Variants in PATL2 observed in about 807,000 individuals in gnomAD.
The protein encoded by PATL2 is protein PAT1 homolog 2.
A neutral mutation model predicts 77.0 loss-of-function variants in PATL2; 73 were observed. The observed-to-expected ratio is 0.95, with a 90% CI of 0.78 to 1.15. The LOEUF is 1.15. PATL2 is among the 50% of genes most tolerant of loss of function. The probability of loss-of-function intolerance (pLI) is 0.00; values close to 1 mark genes in which losing one functional copy is unlikely to be tolerated. For missense variants in PATL2, 618 were observed against 655.4 expected (o/e 0.94, Z 0.62); for synonymous variants, 265 against 257.1 (o/e 1.03, Z -0.29).
chr15:44,666,901 A>C (rs984618267), intron 16 of PATL2: 1 of 541,586 alleles, frequency 1.8e-6, no homozygotes, highest in African/African-American at 1.9e-5. Context: ...TTGTCCCCTT[A>C]GGTACTATGT....
chr15:44,698,983 G>T (rs936548716), intron 3 of PATL2, among the ~76,000 whole-genome samples: 6 of 152,078 alleles, frequency 3.9e-5, no homozygotes, highest in East Asian at 1.9e-4. Context: ...ATTTGCATTT[G>T]TCTGATGATC....
At chr15:44,698,688 G>A (rs1730288730) in intron 3 of PATL2, among the ~76,000 whole-genome samples, 4 of 152,180 alleles carry the variant, frequency 2.6e-5, no homozygotes, top group Admixed American at 1.3e-4. Context: ...ATTTTGAATA[G>A]TGCTGCAATA....
chr15:44,678,114 AG>A (rs2086034081), intron 3 of PATL2, among the ~76,000 whole-genome samples: 1 of 152,128 alleles, frequency 6.6e-6, no homozygotes, highest in African/African-American at 2.4e-5. Flanking sequence ...GGCCTCCCAA[AG>A]GGCTGGGATT....
At chr15:44,670,133 T>C (rs1344716980) in intron 9 of PATL2, 46 bp from the exon 10 acceptor site, 7 of 1,539,136 alleles carry the variant, frequency 4.5e-6, no homozygotes, top group Admixed American at 2.1e-5. Context: ...ACACCTTATA[T>C]TCATCTTTTG....
chr15:44,697,050 C>A (rs1306571508), intron 3 of PATL2, among the ~76,000 whole-genome samples: 10 of 152,138 alleles, frequency 6.6e-5, no homozygotes, highest in Non-Finnish European at 1.0e-4. Flanking sequence ...GAGCAGGTAG[C>A]AATCTTCAAA....
At chr15:44,689,513 A>G (rs893218448) in intron 3 of PATL2, among the ~76,000 whole-genome samples, 1 of 152,338 alleles carries the variant, frequency 6.6e-6, no homozygotes, top group East Asian at 1.9e-4. Flanking sequence ...CATATACACC[A>G]TGGAATACTA....
At chr15:44,678,181 A>G (rs1427941144) in intron 3 of PATL2, among the ~76,000 whole-genome samples, 1 of 152,168 alleles carries the variant, frequency 6.6e-6, no homozygotes, top group Non-Finnish European at 1.5e-5. Flanking sequence ...AATGTTATTC[A>G]GCTGTTTCTC....
chr15:44,704,852 C>G (rs2086699857), intron 3 of PATL2, among the ~76,000 whole-genome samples: 1 of 152,164 alleles, frequency 6.6e-6, no homozygotes, highest in East Asian at 1.9e-4. Flanking sequence ...ATTTCTCCTT[C>G]ATATTTTCAA....
intron 17 of PATL2, 143 bp from the exon 18 acceptor site, chr15:44,666,114 G>C (rs2085355339): frequency 1.1e-6 from 1 of 889,902 alleles, no homozygotes; most frequent in East Asian, 2.7e-5. Context: ...TAGAATAGTT[G>C]TCCCTCAAGT....
chr15:44,692,685 C>T (rs2086418581), intron 3 of PATL2, among the ~76,000 whole-genome samples: 2 of 152,242 alleles, frequency 1.3e-5, no homozygotes, highest in Admixed American at 6.5e-5. Flanking sequence ...GTTGTAGAGG[C>T]ATTTAGGCCA....
In PATL2 at chr15:44,666,458, T is replaced by A. The variant is rs1357533064; in HGVS notation, c.1547A>T (p.Asn516Ile). 2 of 1,551,544 alleles carry A rather than the reference T, an allele frequency of 1.3e-6. No homozygotes were observed. The highest frequency in any genetic ancestry group is 2.7e-5 in the African/African-American group (2 of 73,026). ...SLAEPLAFPS[N>I]LLPLFCHHVD... ...GTGGTGACAGAACAGGGGAAGTAGG[T>A]TGCTGGGGAAAGCTAGGGGTTCTGC... is the stretch of plus-strand genomic sequence containing the variant. Residue 516 changes from asparagine to isoleucine, a missense_variant, in exon 17 of 18, where the codon AAC becomes ATC. Transcript: ENST00000682850.
chr15:44,676,145 C>T (rs930108494), intron 4 of PATL2: 38 of 408,298 alleles, frequency 9.3e-5, no homozygotes, highest in Non-Finnish European at 1.4e-4. Context: ...CCCCACCCAA[C>T]GCCCTTTCTA....
At chr15:44,673,481 C>T in intron 6 of PATL2, 104 bp from the exon 7 acceptor site, 1 of 1,405,792 alleles carries the variant, frequency 7.1e-7, no homozygotes, top group Non-Finnish European at 9.6e-7. Flanking sequence ...CCCTCAAGAA[C>T]TTCACCCAAC....
rs141841764 is a variant in PATL2, at chr15:44,672,820, C to T, written c.447-364G>A. ...TGTCATCCAGGCTGGAGTGCAGTGG[C>T]ATGGTCTCAGCTCACTGCAACCTCT... On this transcript the variant is annotated intron_variant, in intron 7 of 17. Transcript: ENST00000682850. Among the ~76,000 whole-genome samples the T allele has an allele frequency of 1.1e-3, 174 of 152,304 alleles. 1 individual carries two copies. The highest frequency in any genetic ancestry group is 3.4e-3 in the Middle Eastern group (1 of 294).
chr15:44,694,385 A>G (rs1428132215), intron 3 of PATL2, among the ~76,000 whole-genome samples: 2 of 152,212 alleles, frequency 1.3e-5, no homozygotes, highest in African/African-American at 4.8e-5. Context: ...CAGTTAAAAC[A>G]ATAATAGTAA....
intron 3 of PATL2, among the ~76,000 whole-genome samples, chr15:44,679,674 G>C (rs891620247): frequency 6.6e-6 from 1 of 151,032 alleles, no homozygotes; most frequent in Non-Finnish European, 1.5e-5. Context: ...TTACAGGCGT[G>C]AGCCACTGCG....
intron 16 of PATL2, 137 bp from the exon 17 acceptor site, chr15:44,666,678 A>G (rs1254081452): frequency 1.1e-6 from 1 of 882,990 alleles, no homozygotes; most frequent in African/African-American, 1.7e-5. Flanking sequence ...TAACATTTGC[A>G]TGTTTGGTAC....
At chr15:44,687,701 C>G (rs923052849) in intron 3 of PATL2, among the ~76,000 whole-genome samples, 110 of 152,324 alleles carry the variant, frequency 7.2e-4, no homozygotes, top group African/African-American at 2.6e-3. Flanking sequence ...TAAGCAATTT[C>G]AGCAGTCTCA....
chr15:44,687,717 C>G (rs1012368347), intron 3 of PATL2, among the ~76,000 whole-genome samples: 4 of 152,156 alleles, frequency 2.6e-5, no homozygotes, highest in African/African-American at 9.7e-5. Context: ...TCTCAGGCTA[C>G]AAAATCAATG....
Sources: gnomAD v4.1 joint callset for allele counts (sites outside exome capture counted in the v4.1 genomes callset) on GRCh38, gnomAD v4.1.1 for gene constraint, MANE v1.5 for transcripts, NCBI Gene and HGNC (gene_info 2026-07-23, HGNC 2026-07-21) for gene names.